PDE1C: variants seen among roughly 807,000 people sequenced by gnomAD.
PDE1C encodes the protein dual specificity calcium/calmodulin-dependent 3',5'-cyclic nucleotide phosphodiesterase 1C.
In PDE1C, 62 loss-of-function variants were observed where a neutral mutation model predicts 93.1. The ratio of observed to expected loss-of-function variants is 0.67; its 90% CI spans 0.54 to 0.82. The LOEUF is 0.82. Ranked by LOEUF, PDE1C falls within the 40% of genes least tolerant of loss-of-function variation. The pLI, the probability that PDE1C is intolerant of heterozygous loss-of-function variation, is 0.00. For synonymous variants in PDE1C, 325 were observed against 310.1 expected, an observed-to-expected ratio of 1.05 and a Z score of -0.50; for missense variants, 742 against 884.6, an observed-to-expected ratio of 0.84 and a Z score of 2.04.
At chr7:32,010,610 T>A (rs924445447) in intron 2 of PDE1C, among the ~76,000 whole-genome samples, 6 of 152,206 alleles carry the variant, frequency 3.9e-5, no homozygotes, top group Admixed American at 3.9e-4. Flanking sequence ...CATAGAAAAG[T>A]ATCACAAACC....
intron 1 of PDE1C, among the ~76,000 whole-genome samples, chr7:32,052,807 A>T (rs1484868262): frequency 6.6e-6 from 1 of 152,194 alleles, no homozygotes; most frequent in Non-Finnish European, 1.5e-5. Flanking sequence ...TTGACTAGAT[A>T]TGTAGTGATA....
intron 9 of PDE1C, among the ~76,000 whole-genome samples, chr7:31,844,788 TA>T (rs1389830071): frequency 4.6e-5 from 7 of 152,150 alleles, no homozygotes; most frequent in Middle Eastern, 6.8e-3. Flanking sequence ...TGTTGGCTCA[TA>T]TAAAATTATC....
chr7:32,360,004 T>G (rs1476899254), intron 1 of PDE1C, among the ~76,000 whole-genome samples: 1 of 152,184 alleles, frequency 6.6e-6, no homozygotes, highest in Non-Finnish European at 1.5e-5. Flanking sequence ...AAACCAAGTA[T>G]GGCCACCATA....
intron 2 of PDE1C, among the ~76,000 whole-genome samples, chr7:31,892,112 C>T (rs1281204460): frequency 6.6e-6 from 1 of 152,082 alleles, no homozygotes; most frequent in Non-Finnish European, 1.5e-5. Context: ...TTGTCCTTTC[C>T]CCAGCTGGTT....
chr7:32,172,565 G>A (rs112455716), intron 2 of PDE1C, among the ~76,000 whole-genome samples: 24,411 of 152,034 alleles, frequency 0.16, 2,078 homozygotes, highest in East Asian at 0.25. Context: ...GCTCACGCCT[G>A]TAATCCCACC....
chr7:31,656,499 C>T, the PDE1C span: 6 of 979,116 alleles, frequency 6.1e-6, no homozygotes, highest in Non-Finnish European at 7.3e-6. Context: ...TAAATGCTAA[C>T]TGTAATTACT....
intron 5 of PDE1C, among the ~76,000 whole-genome samples, chr7:31,873,960 T>C (rs745755229): frequency 6.6e-6 from 1 of 152,222 alleles, no homozygotes; most frequent in Non-Finnish European, 1.5e-5. Context: ...AAGTTTACAG[T>C]TAAGAATGTT....
chr7:32,071,175 G>T, upstream of PDE1C: 2 of 985,444 alleles, frequency 2.0e-6, no homozygotes, highest in Non-Finnish European at 1.2e-6. Context: ...CCACCGACCT[G>T]CGGAGCTGCG....
the PDE1C span, among the ~76,000 whole-genome samples, chr7:31,665,011 C>G: frequency 6.6e-6 from 1 of 152,192 alleles, no homozygotes; most frequent in East Asian, 1.9e-4. Context: ...TTACCAAAAT[C>G]TGCAAAGTGT....
chr7:31,734,394 G>A, the PDE1C span, among the ~76,000 whole-genome samples: 1 of 152,132 alleles, frequency 6.6e-6, no homozygotes, highest in African/African-American at 2.4e-5. Context: ...CTCCTCGTCC[G>A]AAGGTCGGTC....
chr7:32,185,366 A>T (rs1282305680), intron 2 of PDE1C, among the ~76,000 whole-genome samples: 2 of 151,870 alleles, frequency 1.3e-5, no homozygotes, highest in African/African-American at 4.8e-5. Flanking sequence ...AGTGCCAGTA[A>T]TTCTATTCTT....
At chr7:31,697,511 A>G in the PDE1C span, among the ~76,000 whole-genome samples, 6,029 of 152,296 alleles carry the variant, frequency 0.04, 177 homozygotes, top group African/African-American at 0.076. Context: ...AATGAGAGAC[A>G]GAAAAAGAGA....
At chr7:31,749,148 C>T (rs762076607), downstream of PDE1C, among the ~76,000 whole-genome samples, 9 of 152,048 alleles carry the variant, frequency 5.9e-5, no homozygotes, top group Non-Finnish European at 1.3e-4. Context: ...GCTTAACTGG[C>T]TTGCAGAAGG....
At chr7:31,735,193 G>A in the PDE1C span, among the ~76,000 whole-genome samples, 1 of 152,202 alleles carries the variant, frequency 6.6e-6, no homozygotes, top group African/African-American at 2.4e-5. Context: ...GAGGTTGGGA[G>A]TTTGAGACCA....
Position 31,873,213 on chromosome 7 carries a change from T to G in PDE1C, c.609+79A>C, listed in dbSNP as rs183152156. The G allele has an allele frequency of 3.4e-4, 290 of 845,592 alleles. 5 individuals are homozygous for G. The African/African-American group carries it at 4.6e-3, about 13-fold the overall frequency. The allele number at this position is 845,592 out of a possible 1,614,324, so 52.4% of individuals were successfully genotyped here. On this transcript the variant is annotated intron_variant, in intron 6 of 17. Transcript: ENST00000396191. ...GCAGTTTTCATTCCGCATATTAAAA[T>G]AGTCTGAACCCAAAAGTCATATGAG...
intron 1 of PDE1C, among the ~76,000 whole-genome samples, chr7:32,234,169 T>C (rs926462626): frequency 3.3e-5 from 5 of 151,976 alleles, no homozygotes; most frequent in African/African-American, 1.2e-4. Flanking sequence ...AAAAAAATTA[T>C]AACATCAAAT....
At chr7:31,857,484 T>C (rs766309565) in intron 7 of PDE1C, among the ~76,000 whole-genome samples, 7 of 152,174 alleles carry the variant, frequency 4.6e-5, no homozygotes, top group Non-Finnish European at 8.8e-5. Flanking sequence ...CTTTGTATTC[T>C]GCCTTATCTT....
chr7:31,890,371 T>C (rs1341434837), intron 2 of PDE1C, among the ~76,000 whole-genome samples: 1 of 152,198 alleles, frequency 6.6e-6, no homozygotes, highest in Non-Finnish European at 1.5e-5. Flanking sequence ...ACTAAAAACA[T>C]CTTTGAATGG....
intron 1 of PDE1C, among the ~76,000 whole-genome samples, chr7:32,338,049 T>C (rs1164248792): frequency 6.6e-6 from 1 of 152,118 alleles, no homozygotes; most frequent in Non-Finnish European, 1.5e-5. Flanking sequence ...CTTCAGGACA[T>C]TGGATTTGGC....
Sources: gnomAD v4.1 joint callset for allele counts (sites outside exome capture counted in the v4.1 genomes callset) on GRCh38, gnomAD v4.1.1 for gene constraint, MANE v1.5 for transcripts, NCBI Gene and HGNC (gene_info 2026-07-23, HGNC 2026-07-21) for gene names.